NFE2L1: variants seen among roughly 807,000 people sequenced by gnomAD.
NFE2L1 encodes the protein endoplasmic reticulum membrane sensor NFE2L1.
Under a neutral mutation model 61.6 loss-of-function variants are expected in NFE2L1, and 18 were observed. That is an observed-to-expected ratio of 0.29 (90% CI 0.20 to 0.43). The LOEUF (loss-of-function observed/expected upper bound fraction) is 0.43. Ranked by LOEUF, NFE2L1 falls within the 20% of genes least tolerant of loss-of-function variation. The pLI, the probability that NFE2L1 is intolerant of heterozygous loss-of-function variation, is 1.00. For synonymous variants in NFE2L1, 419 were observed against 402.7 expected (o/e 1.04, Z -0.48); for missense variants, 827 against 973.5 (o/e 0.85, Z 2.00).
At chr17:48,050,494 G>GA (rs1278726454) in intron 1 of NFE2L1, 113 bp from the exon 2 acceptor site, 1 of 388,980 alleles carries the variant, frequency 2.6e-6, no homozygotes, top group Admixed American at 4.4e-5. Context: ...AAAAAAAAGT[G>GA]AAAGTGTCCT....
rs1462187666 is a variant in NFE2L1 at position 48,059,634 on chromosome 17, G to A, written c.2312G>A (p.Arg771Lys). The A allele has an allele frequency of 1.3e-6, 2 of 1,551,584 alleles. No homozygotes were observed. The highest frequency in any genetic ancestry group is 1.4e-5 in the African/African-American group (1 of 73,016). Residue 771 changes from arginine (R) to lysine (K), a missense_variant, in exon 6 of 6, where the codon AGA (arginine) becomes AAA (lysine). Coordinates refer to ENST00000362042, the MANE Select transcript of NFE2L1 (RefSeq NM_003204.3). The surrounding 1 kb of genome is among the most constrained non-coding windows in gnomAD (Gnocchi z 6.1). ...RRQERKPKDR[R>K]K The stretch of plus-strand genomic sequence containing the variant: ...CAGGAGAGGAAGCCAAAGGACCGGA[G>A]AAAGTGAGCCTGGGGAAGAAGGGGG...
intron 3 of NFE2L1, 120 bp from the exon 4 acceptor site, chr17:48,056,912 C>A: frequency 9.9e-7 from 1 of 1,005,224 alleles, no homozygotes; most frequent in Non-Finnish European, 1.5e-6. Context: ...GGACTCGGGG[C>A]CAGCCATTAG....
intron 2 of NFE2L1, among the ~76,000 whole-genome samples, chr17:48,052,129 A>G (rs900672061): frequency 6.6e-6 from 1 of 152,010 alleles, no homozygotes; most frequent in Non-Finnish European, 1.5e-5. Flanking sequence ...GTAGATTTGG[A>G]TAGTTATTCT....
chr17:48,052,890 C>G (rs2037289899), intron 2 of NFE2L1, among the ~76,000 whole-genome samples: 2 of 152,158 alleles, frequency 1.3e-5, no homozygotes, highest in Non-Finnish European at 2.9e-5. Flanking sequence ...ACACTCGGCT[C>G]TGTGCTCAAA....
In NFE2L1 at chr17:48,056,456, A is replaced by G. The variant is rs753955903; in HGVS notation, c.581A>G (p.Tyr194Cys). ...DLGAGREVFD[Y>C]SHRQKEQDVE... is the part of the protein sequence containing the mutation. ...GGGGCTGGGCGTGAGGTTTTTGACTATAGTCACCGCCAGAAGGAGCAGGAT... is the reference window on the plus strand; with the variant it reads ...GGGGCTGGGCGTGAGGTTTTTGACTGTAGTCACCGCCAGAAGGAGCAGGAT... Residue 194 changes from tyrosine to cysteine, a missense_variant, in exon 3 of 6, where the codon TAT becomes TGT. Around this residue, in one of 3 missense-constraint regions of NFE2L1, gnomAD observed 667 missense variants for 748.4 expected, o/e 0.89. Coordinates refer to ENST00000362042, the MANE Select transcript of NFE2L1 (RefSeq NM_003204.3). 50 of 1,614,060 alleles carry G rather than the reference A, an allele frequency of 3.1e-5. No individual in the cohort carries two copies. The highest frequency in any genetic ancestry group is 4.1e-5 in the Non-Finnish European group (48 of 1,180,036).
chr17:48,054,782 G>T, intron 2 of NFE2L1: 1 of 1,318,738 alleles, frequency 7.6e-7, no homozygotes, highest in Non-Finnish European at 9.7e-7. Flanking sequence ...GGTGGGGGCA[G>T]CTGGGCGCCT....
intron 1 of NFE2L1, among the ~76,000 whole-genome samples, chr17:48,049,834 C>G (rs1335860084): frequency 6.6e-6 from 1 of 152,166 alleles, no homozygotes; most frequent in Non-Finnish European, 1.5e-5. Context: ...ATAATCTTGC[C>G]TTTTTGAACT....
intron 3 of NFE2L1, 127 bp downstream of exon 3, chr17:48,056,725 G>A: frequency 1.6e-6 from 2 of 1,223,402 alleles, no homozygotes; most frequent in East Asian, 5.1e-5. Context: ...CTGAATTTCT[G>A]TTTTGGGTTG....
chr17:48,058,638 G>T lies in NFE2L1; in HGVS notation c.1316G>T (p.Gly439Val). ...TAGPELPDPL[G>V]GLLDEAMLDE... Reference sequence around the variant, plus strand: ...GGCCCAGAGCTGCCTGACCCTTTGGGGGGTCTGTTAGATGAAGCTATGTTG... The same window carrying T: ...GGCCCAGAGCTGCCTGACCCTTTGGTGGGTCTGTTAGATGAAGCTATGTTG... The change falls in exon 6 of 6, where the codon GGG (glycine) becomes GTG (valine). Residue 439 changes from glycine (G) to valine (V), a missense_variant. Around this residue, in one of 3 missense-constraint regions of NFE2L1, gnomAD observed 667 missense variants for 748.4 expected, o/e 0.89. Coordinates refer to ENST00000362042, the MANE Select transcript of NFE2L1 (RefSeq NM_003204.3). The T allele has an allele frequency of 6.2e-7, 1 of 1,614,158 alleles. No individual in the cohort carries two copies. The highest frequency in any genetic ancestry group is 1.1e-5 in the South Asian group (1 of 91,084).
intron 2 of NFE2L1, among the ~76,000 whole-genome samples, chr17:48,054,109 C>A (rs2037325144): frequency 6.6e-6 from 1 of 152,206 alleles, no homozygotes; most frequent in African/African-American, 2.4e-5. Flanking sequence ...CTGGCCACTG[C>A]CTTCCTGAGG....
intron 4 of NFE2L1, 34 bp from the exon 5 acceptor site, chr17:48,057,310 T>C (rs747586690): frequency 1.5e-5 from 24 of 1,605,350 alleles, no homozygotes; most frequent in Non-Finnish European, 1.9e-5. Context: ...GGTTTTTCCT[T>C]CCCCCTTGTT....
rs1453859962 is a variant in NFE2L1, at chr17:48,061,448, C to T, written c.*1807C>T. The T allele has an allele frequency of 6.6e-6, 1 of 152,110 alleles. No individual in the cohort carries two copies. The highest frequency in any genetic ancestry group is 2.4e-5 in the African/African-American group (1 of 41,416). 9.4% of individuals were successfully genotyped at this position (152,110 alleles called of 1,614,324 possible). ...GGAGAGAGAGAGAGATGCTGTTGAG[C>T]ACATGACAAAATAAAATAAAATGGA... On this transcript the variant is annotated 3_prime_UTR_variant, in exon 6 of 6. Transcript: ENST00000362042.
chr17:48,057,487 C>T lies in NFE2L1; in HGVS notation c.957C>T (p.Ser319=), dbSNP rs2037433077. The T allele has an allele frequency of 6.2e-7, 1 of 1,613,122 alleles. No individual in the cohort carries two copies. The highest frequency in any genetic ancestry group is 8.5e-7 in the Non-Finnish European group (1 of 1,179,616). The change falls in exon 5 of 6, where the codon TCC becomes TCT. Residue 319 remains serine, a synonymous_variant. Coordinates refer to ENST00000362042, the MANE Select transcript of NFE2L1 (RefSeq NM_003204.3). ...DLEQQWQDLM[S]IMEMQAMEVN... ...AACAGCAGTGGCAAGATCTCATGTCCATCATGGAAATGCAGGTAGGATTGT... is the reference window on the plus strand; with the variant it reads ...AACAGCAGTGGCAAGATCTCATGTCTATCATGGAAATGCAGGTAGGATTGT...
chr17:48,051,491 G>C lies in NFE2L1; in HGVS notation c.373G>C (p.Glu125Gln). The C allele has an allele frequency of 6.2e-7, 1 of 1,614,158 alleles. No homozygotes were observed. The highest frequency in any genetic ancestry group is 8.5e-7 in the Non-Finnish European group (1 of 1,180,030). ...TCAGCCCAACTCAGGCCTCGCCCTC[G>C]AGAGTTCCAGTGGCCTCCAAGATGT... is the stretch of plus-strand genomic sequence containing the variant. Reference protein sequence around the residue: ...GSQPNSGLALESSSGLQDVTG... With the variant: ...GSQPNSGLALQSSSGLQDVTG... Residue 125 changes from glutamate (E) to glutamine (Q), a missense_variant, in exon 2 of 6, where the codon GAG (glutamate) becomes CAG (glutamine). Coordinates refer to ENST00000362042, the MANE Select transcript of NFE2L1 (RefSeq NM_003204.3).
At position 48,058,389 on chromosome 17, in the gene NFE2L1, C is replaced by T. The variant is rs531396805; in HGVS notation, c.1067C>T (p.Pro356Leu). 6.2e-7 allele frequency: 1 copy of T among 1,614,176 alleles called. No homozygotes were observed. Among genetic ancestry groups the T allele is most frequent in the South Asian group, 1.1e-5 (1 of 91,078 alleles). Residue 356 changes from proline (P) to leucine (L), a missense_variant, in exon 6 of 6, where the codon CCC becomes CTC. Pro to Leu is a moderately conservative substitution (Grantham distance 98). Coordinates refer to ENST00000362042, the MANE Select transcript of NFE2L1 (RefSeq NM_003204.3). ...AACTACAGCCTTGCCCCCAACACTC[C>T]CATCAATCAGAATGTCAGCCTGCAT... ...STNYSLAPNT[P>L]INQNVSLHQA...
At chr17:48,049,686 C>CT (rs961341578) in intron 1 of NFE2L1, among the ~76,000 whole-genome samples, 11 of 152,296 alleles carry the variant, frequency 7.2e-5, no homozygotes, top group Admixed American at 5.2e-4. Context: ...GGCCCTTTTC[C>CT]TTTTTTTTCT....
intron 2 of NFE2L1, chr17:48,054,441 T>G: frequency 1.1e-4 from 35 of 304,412 alleles, no homozygotes; most frequent in Middle Eastern, 1.1e-3. Flanking sequence ...TGGGAGGGGA[T>G]TGGCTCCTTC....
At chr17:48,054,966 G>A in intron 2 of NFE2L1, 3 of 1,472,772 alleles carry the variant, frequency 2.0e-6, no homozygotes, top group Non-Finnish European at 2.7e-6. Context: ...GCTCCTTGCA[G>A]CCCCCTGTCC....
At chr17:48,055,079 C>T in intron 2 of NFE2L1, 4 of 1,480,390 alleles carry the variant, frequency 2.7e-6, no homozygotes, top group Non-Finnish European at 3.6e-6. Flanking sequence ...CAGCCGGCCC[C>T]TTAACTCTTT....
Sources: gnomAD v4.1 joint callset for allele counts (sites outside exome capture counted in the v4.1 genomes callset) on GRCh38, gnomAD v4.1.1 for gene constraint, gnomAD v4.1.1 regional missense constraint, Gnocchi (gnomAD v3.1) non-coding constraint, MANE v1.5 for transcripts, NCBI Gene and HGNC (gene_info 2026-07-23, HGNC 2026-07-21) for gene names.